Variants in CDK8 observed in about 807,000 individuals in gnomAD.
CDK8 encodes the protein cyclin dependent kinase 8.
Under a neutral mutation model 71.5 loss-of-function variants are expected in CDK8, and 29 were observed. That is an observed-to-expected ratio of 0.41 (90% CI 0.30 to 0.55). CDK8 has a LOEUF of 0.55. Among genes scored for constraint, CDK8 ranks in the 20% least tolerant of loss-of-function variants. The pLI, the probability that CDK8 is intolerant of heterozygous loss-of-function variation, is 0.37. For missense variants in CDK8, 288 were observed against 572.6 expected (o/e 0.50, Z 5.07); for synonymous variants, 161 against 192.1 (o/e 0.84, Z 1.34).
chr13:26,384,136 G>C (rs1045855339), intron 5 of CDK8, among the ~76,000 whole-genome samples: 2 of 152,158 alleles, frequency 1.3e-5, no homozygotes, highest in South Asian at 4.1e-4. Context: ...ATGTTGGCAG[G>C]TTTGGGGAAC....
chr13:26,367,248 GA>G (rs1352549866), intron 4 of CDK8, among the ~76,000 whole-genome samples: 2 of 152,082 alleles, frequency 1.3e-5, no homozygotes, highest in African/African-American at 4.8e-5. Context: ...TGATGCTGAA[GA>G]GGGGCTAAGG....
In CDK8 at chr13:26,326,624, A is replaced by G. The variant is rs150264905; in HGVS notation, c.129-10943A>G. On this transcript the variant is annotated intron_variant, in intron 1 of 12. Coordinates refer to ENST00000381527, the MANE Select transcript of CDK8 (RefSeq NM_001260.3). ...GATCATCTTCTTCTGGAAGATTCTTAAGAATCTTTAGTTTGAGGTCTCTGG... is the reference window on the plus strand; with the variant it reads ...GATCATCTTCTTCTGGAAGATTCTTGAGAATCTTTAGTTTGAGGTCTCTGG... 7.7e-3 allele frequency among the ~76,000 whole-genome samples: 1,180 copies of G among 152,286 alleles called. 19 individuals are homozygous for G. Among genetic ancestry groups the G allele is most frequent in the African/African-American group, 0.027 (1,115 of 41,558 alleles).
intron 6 of CDK8, among the ~76,000 whole-genome samples, chr13:26,387,195 AATG>A (rs1449754751): frequency 1.3e-5 from 2 of 152,212 alleles, no homozygotes; most frequent in Non-Finnish European, 2.9e-5. Context: ...CTGTGAAGAC[AATG>A]ATAACATTGC....
In CDK8 at chr13:26,397,161, A is replaced by G; in HGVS notation, c.869A>G (p.Asn290Ser). The G allele has an allele frequency of 6.3e-7, 1 of 1,582,802 alleles. No homozygotes were observed. Among genetic ancestry groups the G allele is most frequent in the Non-Finnish European group, 8.7e-7 (1 of 1,153,668 alleles). ...MKDFRRNTYT[N>S]CSLIKYMEKH... Reference sequence around the variant, plus strand: ...TAGTATTTCTCTTTCAGGTATACCAACTGCAGCCTTATCAAGTATATGGAA... The same window carrying G: ...TAGTATTTCTCTTTCAGGTATACCAGCTGCAGCCTTATCAAGTATATGGAA... Residue 290 changes from asparagine (N) to serine (S), a missense_variant, in exon 9 of 13, where the codon AAC becomes AGC. Asn to Ser is a conservative substitution (Grantham distance 46). Transcript: ENST00000381527.
chr13:26,379,996 A>G (rs2138041620), intron 4 of CDK8, among the ~76,000 whole-genome samples: 1 of 152,344 alleles, frequency 6.6e-6, no homozygotes, highest in Middle Eastern at 3.4e-3. Context: ...CATAGTTGTG[A>G]AAGGTTGCAG....
At chr13:26,400,617 T>C in intron 10 of CDK8, 67 bp downstream of exon 10, 1 of 953,590 alleles carries the variant, frequency 1.0e-6, no homozygotes, top group South Asian at 1.3e-5. Context: ...CTTCTGCTTG[T>C]CAGCTCTTAA....
chr13:26,373,707 A>G (rs1299036701), intron 4 of CDK8, among the ~76,000 whole-genome samples: 2 of 152,170 alleles, frequency 1.3e-5, no homozygotes, highest in African/African-American at 4.8e-5. Flanking sequence ...AAATACTGGA[A>G]ATAAAATACA....
At chr13:26,394,221 GT>G in intron 7 of CDK8, among the ~76,000 whole-genome samples, 1 of 152,294 alleles carries the variant, frequency 6.6e-6, no homozygotes, top group South Asian at 2.1e-4. Context: ...CAAGTACTTA[GT>G]AGAAAGTGTT....
chr13:26,360,073 TAAAAAA>T (rs1182460544), intron 4 of CDK8, among the ~76,000 whole-genome samples: 2 of 152,196 alleles, frequency 1.3e-5, no homozygotes, highest in Non-Finnish European at 2.9e-5. Flanking sequence ...TTATAAAACT[TAAAAAA>T]GGAATGCTTT....
chr13:26,363,620 T>G (rs971032257), intron 4 of CDK8, among the ~76,000 whole-genome samples: 5 of 152,250 alleles, frequency 3.3e-5, no homozygotes, highest in African/African-American at 4.8e-5. Context: ...TTCTTCTGCC[T>G]TGGCCTCCCA....
At position 26,254,679 on chromosome 13, in the gene CDK8, G is replaced by T; in HGVS notation, c.38G>T (p.Arg13Leu). 6.2e-7 allele frequency: 1 copy of T among 1,612,488 alleles called. No homozygotes were observed. The highest frequency in any genetic ancestry group is 8.5e-7 in the Non-Finnish European group (1 of 1,179,236). ...YDFKVKLSSE[R>L]ERVEDLFEYE... ...TTTAAAGTGAAGCTGAGCAGCGAGC[G>T]GGAGCGGGTCGAGGACCTGTTTGAA... is the stretch of plus-strand genomic sequence containing the variant. Residue 13 changes from arginine to leucine, a missense_variant, in exon 1 of 13, where the codon CGG becomes CTG. Transcript: ENST00000381527. The surrounding 1 kb of genome is among the most constrained non-coding windows in gnomAD (Gnocchi z 6.7).
At chr13:26,399,675 G>C (rs1876164735) in intron 9 of CDK8, among the ~76,000 whole-genome samples, 2 of 152,204 alleles carry the variant, frequency 1.3e-5, no homozygotes, top group Non-Finnish European at 2.9e-5. Context: ...CTTTCTTTAT[G>C]CTAGGCACCA....
chr13:26,260,709 A>C (rs1871734610), intron 1 of CDK8, among the ~76,000 whole-genome samples: 1 of 152,204 alleles, frequency 6.6e-6, no homozygotes. Flanking sequence ...AAAAATTATA[A>C]TTATTATAGG....
At chr13:26,385,917 TATTTA>T (rs1380735720) in intron 6 of CDK8, among the ~76,000 whole-genome samples, 5 of 152,158 alleles carry the variant, frequency 3.3e-5, no homozygotes, top group Admixed American at 2.0e-4. Context: ...TAAAATTTTA[TATTTA>T]ATTTATAAAA....
intron 1 of CDK8, among the ~76,000 whole-genome samples, chr13:26,328,661 A>G (rs1262643895): frequency 1.3e-5 from 2 of 152,232 alleles, no homozygotes; most frequent in African/African-American, 2.4e-5. Context: ...GGAAGCTTGT[A>G]AAATGTAAAA....
intron 1 of CDK8, among the ~76,000 whole-genome samples, chr13:26,316,290 G>C (rs548429062): frequency 1.3e-5 from 2 of 152,258 alleles, no homozygotes; most frequent in East Asian, 3.9e-4. Context: ...AGCCCAGGAG[G>C]TCAAGGCTGC....
Position 26,254,584 on chromosome 13 carries a change from T to TGCCCCCCCCCGCCCCCCCCCCCCC in CDK8, c.-58_-57insGCCCCCCCCCGCCCCCCCCCCCCC. On this transcript the variant is annotated 5_prime_UTR_variant, in exon 1 of 13. Coordinates refer to ENST00000381527, the MANE Select transcript of CDK8 (RefSeq NM_001260.3). This position sits in a 1 kb window ranked among gnomAD's most constrained non-coding sequence, Gnocchi z 6.7. ...GCTGCGGCTGCCCGTGCTTCCCCGG[T>TGCCCCCCCCCGCCCCCCCCCCCCC]CCCCACCCCTGCCCCCCGGCCCCCC... The TGCCCCCCCCCGCCCCCCCCCCCCC allele has an allele frequency of 7.7e-7, 1 of 1,291,282 alleles. No homozygotes were observed. The highest frequency in any genetic ancestry group is 1.1e-6 in the Non-Finnish European group (1 of 938,088). 80.0% of individuals were successfully genotyped at this position (1,291,282 alleles called of 1,614,324 possible).
chr13:26,394,332 T>C (rs1412844383), intron 7 of CDK8, among the ~76,000 whole-genome samples: 1 of 152,222 alleles, frequency 6.6e-6, no homozygotes, highest in Non-Finnish European at 1.5e-5. Context: ...GTGTTAATTA[T>C]CAGTAAATGC....
intron 7 of CDK8, 116 bp downstream of exon 7, chr13:26,393,626 G>A: frequency 9.9e-7 from 1 of 1,013,082 alleles, no homozygotes; most frequent in Non-Finnish European, 1.4e-6. Flanking sequence ...TTGAGTCTTT[G>A]TTTTTTGACT....
Sources: allele counts gnomAD v4.1 joint callset (sites outside exome capture counted in the v4.1 genomes callset), GRCh38; gene constraint gnomAD v4.1.1; non-coding constraint Gnocchi (gnomAD v3.1); transcripts MANE v1.5; gene names NCBI Gene and HGNC (gene_info 2026-07-23, HGNC 2026-07-21).